The following BLTP1 variants were observed in gnomAD, a reference collection of about 807,000 sequenced individuals.
The protein encoded by BLTP1 is fragile site-associated protein.
At chr4:122,163,363 A>G in the BLTP1 span, among the ~76,000 whole-genome samples, 6 of 152,166 alleles carry the variant, frequency 3.9e-5, no homozygotes, top group African/African-American at 1.4e-4. Context: ...AGCAAGGACA[A>G]TTTGAGTGTT....
At chr4:122,272,376 G>A in the BLTP1 span, 1 of 1,612,716 alleles carries the variant, frequency 6.2e-7, no homozygotes, top group Non-Finnish European at 8.5e-7. Flanking sequence ...AGGATCCATG[G>A]CAGTTTTACT....
chr4:122,266,784 T>A, the BLTP1 span: 1 of 1,591,102 alleles, frequency 6.3e-7, no homozygotes. Context: ...GTCTTTTAGG[T>A]TGTTTTCAAG....
the BLTP1 span, chr4:122,248,140 G>T: frequency 7.1e-6 from 7 of 984,284 alleles, no homozygotes; most frequent in Non-Finnish European, 8.4e-6. Flanking sequence ...TTCATCCCAG[G>T]TGTGAGGCTG....
chr4:122,247,598 T>C, the BLTP1 span: 1 of 1,188,518 alleles, frequency 8.4e-7, no homozygotes, highest in South Asian at 2.0e-5. Context: ...ATTAGGAACT[T>C]CTATTTCCCA....
chr4:122,323,747 ATTAC>A, the BLTP1 span, among the ~76,000 whole-genome samples: 988 of 152,262 alleles, frequency 6.5e-3, 9 homozygotes, highest in African/African-American at 0.023. Flanking sequence ...TAATTAAAAT[ATTAC>A]TTGTGTCCTG....
At chr4:122,248,832 G>A in the BLTP1 span, among the ~76,000 whole-genome samples, 1 of 152,076 alleles carries the variant, frequency 6.6e-6, no homozygotes, top group Non-Finnish European at 1.5e-5. Context: ...TAAAGGGCTA[G>A]AGTGCAGTGT....
the BLTP1 span, among the ~76,000 whole-genome samples, chr4:122,357,787 A>G: frequency 2.0e-5 from 3 of 152,176 alleles, no homozygotes. Context: ...CTTGGAATAA[A>G]TGTAATTTGT....
the BLTP1 span, among the ~76,000 whole-genome samples, chr4:122,318,950 A>G: frequency 2.0e-5 from 3 of 152,120 alleles, no homozygotes; most frequent in South Asian, 6.2e-4. Flanking sequence ...TCGTCTCTCC[A>G]TTTTAGAAAA....
the BLTP1 span, chr4:122,353,267 A>G: frequency 4.0e-6 from 6 of 1,488,396 alleles, no homozygotes; most frequent in South Asian, 8.3e-5. This position sits in a 1 kb window ranked among gnomAD's most constrained non-coding sequence, Gnocchi z 4.3. Flanking sequence ...CTGACATGTT[A>G]AGGAGTTCAC....
the BLTP1 span, among the ~76,000 whole-genome samples, chr4:122,337,868 TAATAA>T: frequency 6.7e-6 from 1 of 148,210 alleles, no homozygotes; most frequent in Non-Finnish European, 1.5e-5. Flanking sequence ...ATATTATATA[TAATAA>T]AATATATATT....
At chr4:122,229,902 T>C in the BLTP1 span, 11 of 1,586,914 alleles carry the variant, frequency 6.9e-6, no homozygotes, top group Non-Finnish European at 8.6e-6. Flanking sequence ...AAATTACACT[T>C]TTGTTTCATT....
the BLTP1 span, chr4:122,224,240 C>G: frequency 3.6e-4 from 136 of 380,980 alleles, no homozygotes; most frequent in Non-Finnish European, 4.8e-4. Context: ...AGTTACCAAT[C>G]AGAGATCTGT....
At chr4:122,288,162 TAACTA>T in the BLTP1 span, among the ~76,000 whole-genome samples, 1 of 152,152 alleles carries the variant, frequency 6.6e-6, no homozygotes, top group Non-Finnish European at 1.5e-5. Context: ...ATTAGTTTAT[TAACTA>T]ATTTGCCAGA....
At chr4:122,198,095 G>T in the BLTP1 span, 2 of 985,320 alleles carry the variant, frequency 2.0e-6, no homozygotes, top group Non-Finnish European at 2.4e-6. Context: ...GCTGTAAGAG[G>T]AAAGCAGGCA....
chr4:122,291,250 G>C, the BLTP1 span, among the ~76,000 whole-genome samples: 3 of 152,184 alleles, frequency 2.0e-5, no homozygotes, highest in Non-Finnish European at 4.4e-5. Context: ...CATGAACCTT[G>C]AGAAAATAGC....
chr4:122,249,415 C>T, the BLTP1 span: 1 of 1,568,786 alleles, frequency 6.4e-7, no homozygotes, highest in Non-Finnish European at 8.6e-7. Context: ...GCCATATGTC[C>T]AAATGTTTGT....
the BLTP1 span, among the ~76,000 whole-genome samples, chr4:122,291,546 T>C: frequency 6.6e-6 from 1 of 152,258 alleles, no homozygotes; most frequent in African/African-American, 2.4e-5. Context: ...TTCATAACAA[T>C]CATCAAGTTT....
the BLTP1 span, among the ~76,000 whole-genome samples, chr4:122,330,231 T>G: frequency 6.6e-6 from 1 of 151,854 alleles, no homozygotes; most frequent in Non-Finnish European, 1.5e-5. Flanking sequence ...TCAATTCTTT[T>G]GGATAAATAC....
At chr4:122,206,550 A>G in the BLTP1 span, among the ~76,000 whole-genome samples, 2 of 152,052 alleles carry the variant, frequency 1.3e-5, no homozygotes, top group Non-Finnish European at 2.9e-5. Flanking sequence ...TATGTAAAAT[A>G]TCTTTTACAA....
Sources: allele counts gnomAD v4.1 joint callset (sites outside exome capture counted in the v4.1 genomes callset), GRCh38; gene constraint gnomAD v4.1.1; non-coding constraint Gnocchi (gnomAD v3.1); transcripts MANE v1.5; gene names NCBI Gene and HGNC (gene_info 2026-07-23, HGNC 2026-07-21).